Variants in FIG4 observed in about 807,000 individuals in gnomAD.
FIG4 encodes the protein FIG4 phosphoinositide 5-phosphatase.
In FIG4, 112 loss-of-function variants were observed where a neutral mutation model predicts 118.6. The observed-to-expected ratio is 0.94, with a 90% CI of 0.81 to 1.11. The LOEUF is 1.11. FIG4 is among the 50% of genes least tolerant of loss of function. The pLI, the probability that FIG4 is intolerant of heterozygous loss-of-function variation, is 0.00. For missense variants in FIG4, 969 were observed against 1,111.7 expected (o/e 0.87, Z 1.83); for synonymous variants, 369 against 381.2 (o/e 0.97, Z 0.37).
At chr6:109,806,215 G>C (rs191093480) in intron 22 of FIG4, among the ~76,000 whole-genome samples, 1 of 152,122 alleles carries the variant, frequency 6.6e-6, no homozygotes, top group East Asian at 1.9e-4. Context: ...AATCATGTAG[G>C]TGATTTAATT....
At chr6:109,797,507 A>G (rs1778320340) in intron 22 of FIG4, among the ~76,000 whole-genome samples, 1 of 152,112 alleles carries the variant, frequency 6.6e-6, no homozygotes, top group African/African-American at 2.4e-5. Flanking sequence ...CATATTCATC[A>G]TTATTGCCTG....
At position 109,709,524 on chromosome 6, in the gene FIG4, T is replaced by C. The variant is rs139963911; in HGVS notation, c.67-5554T>C. 3.6e-3 allele frequency among the ~76,000 whole-genome samples: 549 copies of C among 152,342 alleles called. 4 individuals are homozygous for C. Among genetic ancestry groups the C allele is most frequent in the African/African-American group, 0.013 (523 of 41,574 alleles). Reference sequence around the variant, plus strand: ...AATGTCAGTGGTAGTTTAATAGGAATAGCATCGAATCTGTAAATTGCTTTG... The same window carrying C: ...AATGTCAGTGGTAGTTTAATAGGAACAGCATCGAATCTGTAAATTGCTTTG... On this transcript the variant is annotated intron_variant, in intron 1 of 22. Transcript: ENST00000230124.
At position 109,782,494 on chromosome 6, in the gene FIG4, C is replaced by T. The variant is rs542142664; in HGVS notation, c.1890-2476C>T. Among the ~76,000 whole-genome samples the T allele has an allele frequency of 2.0e-5, 3 of 152,276 alleles. No individual in the cohort carries two copies. In the South Asian group the frequency reaches 6.2e-4, roughly 32 times the overall value. Reference sequence around the variant, plus strand: ...ATGGCCTGGTCTTAAATCATGAATACATGATTATCTTTTCATTTTTGCTCA... The same window carrying T: ...ATGGCCTGGTCTTAAATCATGAATATATGATTATCTTTTCATTTTTGCTCA... On this transcript the variant is annotated intron_variant, in intron 16 of 22. Coordinates refer to ENST00000230124, the MANE Select transcript of FIG4 (RefSeq NM_014845.6).
In FIG4 at chr6:109,761,455, G is replaced by A. The variant is rs1454560401; in HGVS notation, c.1272-636G>A. 3.9e-5 allele frequency among the ~76,000 whole-genome samples: 6 copies of A among 151,914 alleles called. No homozygotes were observed. In the South Asian group the frequency reaches 8.3e-4, roughly 21 times the overall value. On this transcript the variant is annotated intron_variant, in intron 11 of 22. Transcript: ENST00000230124. Reference sequence around the variant, plus strand: ...GGCTGGAGTGCAGTGGCGCAATCTCGGCTCACTGCAAACTCCACCTCCCGG... The same window carrying A: ...GGCTGGAGTGCAGTGGCGCAATCTCAGCTCACTGCAAACTCCACCTCCCGG...
chr6:109,819,411 G>A (rs2128401677), intron 22 of FIG4, among the ~76,000 whole-genome samples: 1 of 152,176 alleles, frequency 6.6e-6, no homozygotes, highest in East Asian at 1.9e-4. Context: ...AGTAACTTTT[G>A]GTTATTATAG....
intron 10 of FIG4, among the ~76,000 whole-genome samples, chr6:109,754,366 A>G (rs1776811491): frequency 1.3e-5 from 2 of 152,214 alleles, no homozygotes; most frequent in Admixed American, 1.3e-4. Context: ...GGATTTTTGC[A>G]TCAGTGTTCA....
chr6:109,699,472 T>TC (rs1431461943), intron 1 of FIG4, among the ~76,000 whole-genome samples: 2 of 152,000 alleles, frequency 1.3e-5, no homozygotes, highest in Non-Finnish European at 2.9e-5. Context: ...TTATTTTTTT[T>TC]CCTCATACGC....
intron 22 of FIG4, among the ~76,000 whole-genome samples, chr6:109,817,437 A>G (rs1485078236): frequency 1.3e-5 from 2 of 152,206 alleles, no homozygotes; most frequent in East Asian, 3.8e-4. Flanking sequence ...TACTGTTTAT[A>G]AATTGCATTC....
chr6:109,795,115 T>TTTTG, intron 21 of FIG4, among the ~76,000 whole-genome samples: 1 of 113,928 alleles, frequency 8.8e-6, no homozygotes, highest in South Asian at 3.1e-4. Context: ...TTTTTTTTTT[T>TTTTG]TTTTTTTTTT....
intron 3 of FIG4, among the ~76,000 whole-genome samples, chr6:109,723,102 C>G (rs1320316379): frequency 6.6e-6 from 1 of 152,176 alleles, no homozygotes; most frequent in Admixed American, 6.5e-5. Flanking sequence ...ATAAATGTTT[C>G]TCCACTTTCT....
intron 1 of FIG4, among the ~76,000 whole-genome samples, chr6:109,713,096 A>G (rs1775318056): frequency 6.6e-6 from 1 of 152,180 alleles, no homozygotes. Flanking sequence ...GAGGTTAGGT[A>G]TCCGATGCGC....
rs1382417983 is a variant in FIG4 at position 109,741,437 on chromosome 6, T to C, written c.776-7T>C. 8 of 1,589,512 alleles carry C rather than the reference T, an allele frequency of 5.0e-6. No homozygotes were observed. Among genetic ancestry groups the C allele is most frequent in the Non-Finnish European group, 6.9e-6 (8 of 1,157,930 alleles). ...GAATGCTAAACAACCTTAACTTGAT[T>C]TCCAAGAGCTGTTGATCTATGGACG... On this transcript the variant is annotated splice_polypyrimidine_tract_variant and splice_region_variant and intron_variant, in intron 7 of 22. Transcript: ENST00000230124.
rs1424153597 is a variant in FIG4 at position 109,727,227 on chromosome 6, C to T, written c.408C>T (p.Pro136=). The change falls in exon 4 of 23, where the codon CCC becomes CCT. Residue 136 remains proline (P), a synonymous_variant. Coordinates refer to ENST00000230124, the MANE Select transcript of FIG4 (RefSeq NM_014845.6). ...KVEDTNMIYI[P]NDSVRVTHPD... is the part of the protein sequence containing the mutation. ...AAGATACAAATATGATCTATATACC[C>T]AATGATTCTGTACGGGTTACTCATC... The T allele has an allele frequency of 6.8e-6, 11 of 1,612,232 alleles. No homozygotes were observed. Among genetic ancestry groups the T allele is most frequent in the Non-Finnish European group, 9.3e-6 (11 of 1,178,936 alleles).
At chr6:109,731,881 C>T (rs1242652825) in intron 4 of FIG4, among the ~76,000 whole-genome samples, 2 of 152,112 alleles carry the variant, frequency 1.3e-5, no homozygotes, top group East Asian at 1.9e-4. Flanking sequence ...TAACTTTCAA[C>T]GTAACTAGGT....
At chr6:109,763,218 A>G (rs1165588258) in intron 12 of FIG4, among the ~76,000 whole-genome samples, 1 of 152,228 alleles carries the variant, frequency 6.6e-6, no homozygotes, top group Non-Finnish European at 1.5e-5. Context: ...ATTTCAGCAC[A>G]GTTAGTCACT....
At chr6:109,770,294 T>TA (rs112848239) in intron 15 of FIG4, among the ~76,000 whole-genome samples, 5 of 151,706 alleles carry the variant, frequency 3.3e-5, no homozygotes, top group Non-Finnish European at 7.4e-5. Context: ...AATCCTATTA[T>TA]AAAAAAAAGA....
chr6:109,825,191 C>G lies in FIG4; in HGVS notation c.2650C>G (p.Gln884Glu). ...CTTCCAAGCCCACATCCAGGCCAGC[C>G]AAGGTATCATGCAGCCCCTAGGAAA... Reference protein sequence around the residue: ...EIFQAHIQASQGIMQPLGKED... With the variant: ...EIFQAHIQASEGIMQPLGKED... The change falls in exon 23 of 23, where the codon CAA becomes GAA. Residue 884 changes from glutamine to glutamate, a missense_variant. This residue lies in a region of FIG4 where 330 missense variants were observed against 348.1 expected (regional missense o/e 0.95). Transcript: ENST00000230124. The G allele has an allele frequency of 6.2e-7, 1 of 1,614,078 alleles. No individual in the cohort carries two copies. The highest frequency in any genetic ancestry group is 8.5e-7 in the Non-Finnish European group (1 of 1,179,954).
chr6:109,742,156 G>A (rs1776343661), intron 8 of FIG4, among the ~76,000 whole-genome samples: 1 of 151,968 alleles, frequency 6.6e-6, no homozygotes, highest in Admixed American at 6.6e-5. Flanking sequence ...TATAATATAT[G>A]AAATGCGGTA....
At chr6:109,771,743 C>A (rs1777470913) in intron 15 of FIG4, among the ~76,000 whole-genome samples, 3 of 152,036 alleles carry the variant, frequency 2.0e-5, no homozygotes, top group African/African-American at 7.2e-5. Context: ...TAGTTTCTAC[C>A]CTATATTGTA....
Sources: allele counts gnomAD v4.1 joint callset (sites outside exome capture counted in the v4.1 genomes callset), GRCh38; gene constraint gnomAD v4.1.1; regional missense constraint gnomAD v4.1.1; transcripts MANE v1.5; gene names NCBI Gene and HGNC (gene_info 2026-07-23, HGNC 2026-07-21).